The following ERC2 variants were observed in gnomAD, a reference collection of about 807,000 sequenced individuals.
ERC2 encodes the protein ERC protein 2.
Under a neutral mutation model 114.8 loss-of-function variants are expected in ERC2, and 42 were observed. The observed-to-expected ratio is 0.37, with a 90% CI of 0.29 to 0.47. ERC2 has a LOEUF of 0.47. Ranked by LOEUF, ERC2 falls within the 20% of genes least tolerant of loss-of-function variation. ERC2 has a pLI of 0.99. For synonymous variants in ERC2, 454 were observed against 425.5 expected (o/e 1.07, Z -0.82); for missense variants, 939 against 1,150.7 (o/e 0.82, Z 2.66).
chr3:56,311,018 A>G (rs1263208014), intron 2 of ERC2, among the ~76,000 whole-genome samples: 3 of 151,900 alleles, frequency 2.0e-5, no homozygotes, highest in Non-Finnish European at 4.4e-5. Flanking sequence ...TGTGTGATTA[A>G]TAAAGTCTGA....
chr3:55,552,498 C>T (rs149947937), intron 17 of ERC2, among the ~76,000 whole-genome samples: 51 of 152,174 alleles, frequency 3.4e-4, no homozygotes, highest in African/African-American at 1.2e-3. Flanking sequence ...TTTAATCTAC[C>T]ATGTTTACAA....
At chr3:56,095,718 T>C (rs1374436398) in intron 6 of ERC2, among the ~76,000 whole-genome samples, 1 of 152,184 alleles carries the variant, frequency 6.6e-6, no homozygotes, top group Non-Finnish European at 1.5e-5. Flanking sequence ...AGAAATCTAG[T>C]TAGGCCCAGA....
chr3:55,652,042 G>A (rs901075158), intron 17 of ERC2, among the ~76,000 whole-genome samples: 2 of 152,214 alleles, frequency 1.3e-5, no homozygotes, highest in African/African-American at 4.8e-5. Flanking sequence ...CCACAGCAAT[G>A]AGGAGCGGGA....
At chr3:55,982,791 C>T (rs2070265116) in intron 12 of ERC2, among the ~76,000 whole-genome samples, 1 of 152,156 alleles carries the variant, frequency 6.6e-6, no homozygotes, top group African/African-American at 2.4e-5. Context: ...GATGCTCTGG[C>T]AAAGGTGTTT....
At chr3:55,557,048 T>C (rs1203971692) in intron 17 of ERC2, among the ~76,000 whole-genome samples, 1 of 151,910 alleles carries the variant, frequency 6.6e-6, no homozygotes, top group Non-Finnish European at 1.5e-5. Flanking sequence ...TGAGTTTGAG[T>C]GACTGTAATA....
intron 17 of ERC2, among the ~76,000 whole-genome samples, chr3:55,647,732 T>G (rs2060454280): frequency 1.3e-5 from 2 of 152,156 alleles, no homozygotes; most frequent in African/African-American, 4.8e-5. Flanking sequence ...AATTGGGAGG[T>G]ACGTCTGCTT....
chr3:55,904,286 G>C (rs1353283341), intron 13 of ERC2, among the ~76,000 whole-genome samples: 2 of 152,124 alleles, frequency 1.3e-5, no homozygotes, highest in African/African-American at 2.4e-5. Context: ...GGTAAAAATA[G>C]AATAAACACA....
intron 14 of ERC2, among the ~76,000 whole-genome samples, chr3:55,853,813 T>C (rs543891482): frequency 3.3e-5 from 5 of 152,158 alleles, no homozygotes; most frequent in African/African-American, 1.2e-4. Context: ...TTTGGGAACA[T>C]GAAAAGAATT....
At chr3:56,435,995 C>A (rs2062000910) in intron 1 of ERC2, among the ~76,000 whole-genome samples, 1 of 152,134 alleles carries the variant, frequency 6.6e-6, no homozygotes, top group African/African-American at 2.4e-5. Flanking sequence ...AAGAAGTTCC[C>A]ATCACGGTTA....
At chr3:56,257,052 T>C (rs1293041854) in intron 3 of ERC2, among the ~76,000 whole-genome samples, 1 of 152,172 alleles carries the variant, frequency 6.6e-6, no homozygotes, top group Non-Finnish European at 1.5e-5. Flanking sequence ...ATCTTTTAAA[T>C]GGGGGTAATA....
intron 6 of ERC2, among the ~76,000 whole-genome samples, chr3:56,092,258 C>A (rs1034490587): frequency 7.2e-5 from 11 of 152,238 alleles, no homozygotes; most frequent in African/African-American, 1.2e-4. Context: ...AAAAATTATA[C>A]CCAAGTCCCA....
intron 7 of ERC2, among the ~76,000 whole-genome samples, chr3:56,024,646 T>C (rs959022365): frequency 1.3e-5 from 2 of 152,202 alleles, no homozygotes; most frequent in African/African-American, 4.8e-5. Context: ...AGTTTCATCT[T>C]CCATAGTGAG....
chr3:56,465,358 C>T (rs2063496327), intron 1 of ERC2, among the ~76,000 whole-genome samples: 1 of 152,136 alleles, frequency 6.6e-6, no homozygotes, highest in African/African-American at 2.4e-5. Context: ...AAGATCACGC[C>T]ACTGCACTCC....
rs188440353 is a variant in ERC2, at chr3:56,257,031, C to A, written c.1074+38988G>T. Among the ~76,000 whole-genome samples, 372 of 152,264 alleles carry A rather than the reference C, an allele frequency of 2.4e-3. 3 individuals are homozygous for A. The highest frequency in any genetic ancestry group is 8.6e-3 in the African/African-American group (357 of 41,548). On this transcript the variant is annotated intron_variant, in intron 3 of 17. Coordinates refer to ENST00000288221, the MANE Select transcript of ERC2 (RefSeq NM_015576.3). ...CTTTTGTGACCTTGAAAAGAATTAA[C>A]CAGCTTCCATATCTTTTAAATGGGG...
At chr3:55,718,232 A>C (rs1215129477) in intron 15 of ERC2, among the ~76,000 whole-genome samples, 1 of 152,238 alleles carries the variant, frequency 6.6e-6, no homozygotes, top group Non-Finnish European at 1.5e-5. Flanking sequence ...TGAACAGAAC[A>C]AGAATCCCAC....
chr3:55,613,722 T>C (rs539984538), intron 17 of ERC2, among the ~76,000 whole-genome samples: 1 of 152,190 alleles, frequency 6.6e-6, no homozygotes, highest in African/African-American at 2.4e-5. Flanking sequence ...CTCATGCCTA[T>C]AATCCCAGCA....
chr3:56,433,525 G>A (rs1265967787), intron 2 of ERC2, among the ~76,000 whole-genome samples: 2 of 152,220 alleles, frequency 1.3e-5, no homozygotes. Context: ...GCACAGATGT[G>A]GAGGGAGGCA....
intron 2 of ERC2, 159 bp downstream of exon 2, chr3:56,434,192 C>T: frequency 1.6e-6 from 1 of 638,016 alleles, no homozygotes; most frequent in Admixed American, 2.9e-5. Context: ...GGTATATTTC[C>T]TATGCTCTCT....
intron 14 of ERC2, among the ~76,000 whole-genome samples, chr3:55,886,132 G>C (rs145017220): frequency 1.3e-5 from 2 of 152,316 alleles, no homozygotes; most frequent in East Asian, 3.9e-4. Context: ...ACACAGGGAG[G>C]AAGACGAGAG....
Sources: gnomAD v4.1 joint callset for allele counts (sites outside exome capture counted in the v4.1 genomes callset) on GRCh38, gnomAD v4.1.1 for gene constraint, MANE v1.5 for transcripts, NCBI Gene and HGNC (gene_info 2026-07-23, HGNC 2026-07-21) for gene names.